LRRTM4: variants seen among roughly 807,000 people sequenced by gnomAD.
LRRTM4 encodes leucine-rich repeat transmembrane neuronal protein 4.
Under a neutral mutation model 47.6 loss-of-function variants are expected in LRRTM4, and 25 were observed. That is an observed-to-expected ratio of 0.53 (90% CI 0.38 to 0.73). The LOEUF is 0.73. Among genes scored for constraint, LRRTM4 ranks in the 30% least tolerant of loss-of-function variants. LRRTM4 has a pLI of 0.00. For missense variants in LRRTM4, 638 were observed against 713.4 expected (o/e 0.89, Z 1.20); for synonymous variants, 311 against 269.5 (o/e 1.15, Z -1.51).
chr2:77,362,749 A>G (rs563656323), intron 3 of LRRTM4, among the ~76,000 whole-genome samples: 1 of 152,008 alleles, frequency 6.6e-6, no homozygotes, highest in East Asian at 1.9e-4. Flanking sequence ...CCTTTCTTTT[A>G]CTTTTTGTTC....
At chr2:76,928,387 G>A (rs1674658346) in intron 3 of LRRTM4, among the ~76,000 whole-genome samples, 1 of 152,090 alleles carries the variant, frequency 6.6e-6, no homozygotes, top group Non-Finnish European at 1.5e-5. Flanking sequence ...TGCAGGACTA[G>A]AGGCTGAGAT....
intron 3 of LRRTM4, among the ~76,000 whole-genome samples, chr2:77,283,522 G>A (rs1234202219): frequency 6.6e-6 from 1 of 151,924 alleles, no homozygotes; most frequent in East Asian, 1.9e-4. Flanking sequence ...CCTGCATTCA[G>A]ATGTTCATTG....
At chr2:77,054,840 G>C (rs1245035328) in intron 3 of LRRTM4, among the ~76,000 whole-genome samples, 1 of 152,182 alleles carries the variant, frequency 6.6e-6, no homozygotes, top group African/African-American at 2.4e-5. Context: ...TCAGTGACTG[G>C]AAAAATTGCA....
chr2:76,767,871 A>G (rs552854093), intron 3 of LRRTM4, among the ~76,000 whole-genome samples: 3 of 152,202 alleles, frequency 2.0e-5, no homozygotes, highest in African/African-American at 4.8e-5. Flanking sequence ...CTTTTGAGTC[A>G]GAATGACACG....
chr2:76,863,836 C>T (rs1203921220), intron 3 of LRRTM4, among the ~76,000 whole-genome samples: 1 of 152,248 alleles, frequency 6.6e-6, no homozygotes, highest in East Asian at 1.9e-4. Context: ...AATCATATCT[C>T]ATATCATTAA....
intron 3 of LRRTM4, among the ~76,000 whole-genome samples, chr2:77,303,985 G>C (rs1164516072): frequency 6.6e-6 from 1 of 152,138 alleles, no homozygotes; most frequent in Non-Finnish European, 1.5e-5. Context: ...TAGTGGGATT[G>C]CTGGATTATA....
chr2:77,290,682 T>C (rs1676798618), intron 3 of LRRTM4, among the ~76,000 whole-genome samples: 1 of 152,076 alleles, frequency 6.6e-6, no homozygotes, highest in African/African-American at 2.4e-5. Context: ...TATTATTCAG[T>C]ATCTGTAATA....
rs376838392 is a variant in LRRTM4 at position 76,796,020 on chromosome 2, G to A, written c.1552-47104C>T. ...TCACTTGGGAAGCGCAAGGGGTCAC[G>A]GAGTTCCCTTTCTGAGTCAAAGAAA... On this transcript the variant is annotated intron_variant, in intron 3 of 3. Transcript: ENST00000409884. 4.8e-5 allele frequency among the ~76,000 whole-genome samples: 6 copies of A among 124,136 alleles called. 1 individual carries two copies. The highest frequency in any genetic ancestry group is 3.0e-4 in the East Asian group (1 of 3,358). 81.4% of individuals were successfully genotyped at this position (124,136 alleles called of 152,430 possible).
chr2:77,343,489 T>C (rs894713864), intron 3 of LRRTM4, among the ~76,000 whole-genome samples: 2 of 151,958 alleles, frequency 1.3e-5, no homozygotes, highest in African/African-American at 4.8e-5. Flanking sequence ...TATTCTGCAT[T>C]GTACTTTTAA....
intron 3 of LRRTM4, among the ~76,000 whole-genome samples, chr2:76,888,922 A>C (rs1474441300): frequency 1.3e-5 from 2 of 152,016 alleles, no homozygotes; most frequent in African/African-American, 4.8e-5. Context: ...TTCAATTAAG[A>C]CATGTTATGA....
At chr2:76,883,451 G>C (rs571098460) in intron 3 of LRRTM4, among the ~76,000 whole-genome samples, 7 of 152,046 alleles carry the variant, frequency 4.6e-5, no homozygotes, top group African/African-American at 1.4e-4. Flanking sequence ...TCCCTCTTTA[G>C]ACCTCAGAGG....
chr2:77,471,006 C>T (rs892326345), intron 3 of LRRTM4, among the ~76,000 whole-genome samples: 1 of 152,090 alleles, frequency 6.6e-6, no homozygotes, highest in African/African-American at 2.4e-5. Flanking sequence ...TGGTTTTAAA[C>T]ATCCTCCATA....
intron 3 of LRRTM4, among the ~76,000 whole-genome samples, chr2:76,801,407 C>A (rs536918633): frequency 6.6e-6 from 1 of 151,754 alleles, no homozygotes; most frequent in African/African-American, 2.4e-5. Flanking sequence ...AGTAAACTAT[C>A]GCAAGAACAA....
rs376892623 is a variant in LRRTM4 at position 76,970,505 on chromosome 2, T to C, written c.1552-221589A>G. Among the ~76,000 whole-genome samples the C allele has an allele frequency of 2.6e-5, 4 of 152,136 alleles. No individual in the cohort carries two copies. The East Asian group carries it at 7.8e-4, about 30-fold the overall frequency. On this transcript the variant is annotated intron_variant, in intron 3 of 3. Transcript: ENST00000409884. ...AATAAGTTATATAAATAAAAAGTTT[T>C]ATAAATTCAGCAACACTTGTGGCAT...
chr2:77,059,153 A>G (rs1679703512), intron 3 of LRRTM4, among the ~76,000 whole-genome samples: 1 of 152,178 alleles, frequency 6.6e-6, no homozygotes, highest in South Asian at 2.1e-4. Context: ...TCTTTTATAC[A>G]TGGTTATTTA....
At chr2:76,873,720 A>T (rs1325052564) in intron 3 of LRRTM4, among the ~76,000 whole-genome samples, 1 of 151,444 alleles carries the variant, frequency 6.6e-6, no homozygotes, top group Non-Finnish European at 1.5e-5. Flanking sequence ...ATATGACCTT[A>T]TTGTTAAGCA....
At chr2:77,154,475 G>C (rs1866563) in intron 3 of LRRTM4, among the ~76,000 whole-genome samples, 2 of 152,096 alleles carry the variant, frequency 1.3e-5, no homozygotes, top group Non-Finnish European at 2.9e-5. Flanking sequence ...ATTATAACTA[G>C]TATAGGCATG....
intron 3 of LRRTM4, among the ~76,000 whole-genome samples, chr2:77,087,488 T>TTTG (rs1680756885): frequency 8.5e-5 from 13 of 152,254 alleles, no homozygotes; most frequent in African/African-American, 3.1e-4. Context: ...CCAGAACACC[T>TTTG]GGCTGAAAGC....
chr2:76,762,852 C>T (rs1517778), intron 3 of LRRTM4, among the ~76,000 whole-genome samples: 48,899 of 152,036 alleles, frequency 0.32, 8,781 homozygotes, highest in African/African-American at 0.47. Flanking sequence ...TTTTAAAAAA[C>T]AGTGTTTATG....
Sources: allele counts gnomAD v4.1 joint callset (sites outside exome capture counted in the v4.1 genomes callset), GRCh38; gene constraint gnomAD v4.1.1; transcripts MANE v1.5; gene names NCBI Gene and HGNC (gene_info 2026-07-23, HGNC 2026-07-21).